OPRM1: variants seen among roughly 807,000 people sequenced by gnomAD.
OPRM1 encodes the protein opioid receptor mu 1, also known as mu-type opioid receptor.
A neutral mutation model predicts 31.8 loss-of-function variants in OPRM1; 27 were observed. The ratio of observed to expected loss-of-function variants is 0.85; its 90% CI spans 0.63 to 1.17. The LOEUF (loss-of-function observed/expected upper bound fraction) is 1.17. OPRM1 is among the 50% of genes most tolerant of loss of function. The pLI is 0.00. For synonymous variants in OPRM1, 196 were observed against 189.9 expected (o/e 1.03, Z -0.26); for missense variants, 536 against 511.1 (o/e 1.05, Z -0.47).
intron 3 of OPRM1, among the ~76,000 whole-genome samples, chr6:154,112,188 A>G (rs879409614): frequency 1.3e-5 from 2 of 152,260 alleles, no homozygotes; most frequent in Admixed American, 6.5e-5. Flanking sequence ...CAAATCTACT[A>G]ACTGTACTGT....
intron 1 of OPRM1, among the ~76,000 whole-genome samples, chr6:154,021,949 T>C (rs1317155972): frequency 6.6e-6 from 1 of 152,184 alleles, no homozygotes; most frequent in Non-Finnish European, 1.5e-5. Flanking sequence ...TCTGTATACT[T>C]TTTACTTCCT....
chr6:154,234,345 A>T (rs1284953730), intron 3 of OPRM1, among the ~76,000 whole-genome samples: 1 of 152,158 alleles, frequency 6.6e-6, no homozygotes, highest in Admixed American at 6.5e-5. Flanking sequence ...CTGCTTGCTA[A>T]GGAGAACTTT....
chr6:154,237,307 G>A (rs111996570), intron 3 of OPRM1, among the ~76,000 whole-genome samples: 2 of 152,284 alleles, frequency 1.3e-5, no homozygotes, highest in African/African-American at 4.8e-5. Context: ...GGTGGAAAAC[G>A]CTGTATTGAC....
intron 3 of OPRM1, among the ~76,000 whole-genome samples, chr6:154,242,509 G>A (rs1222796695): frequency 6.6e-6 from 1 of 152,136 alleles, no homozygotes; most frequent in Non-Finnish European, 1.5e-5. Context: ...ATATACCCAT[G>A]ATCTTCTCCT....
chr6:154,026,260 C>G (rs942234040), intron 1 of OPRM1, among the ~76,000 whole-genome samples: 1 of 151,952 alleles, frequency 6.6e-6, no homozygotes, highest in African/African-American at 2.4e-5. Flanking sequence ...TCATGCCACT[C>G]TCTCCTGGCC....
At chr6:154,153,597 A>G (rs912633632) in intron 3 of OPRM1, among the ~76,000 whole-genome samples, 2 of 151,900 alleles carry the variant, frequency 1.3e-5, no homozygotes, top group African/African-American at 2.4e-5. Flanking sequence ...AGGCAGGACA[A>G]TCACTTGAAC....
chr6:154,101,230 C>T (rs1794784785), intron 3 of OPRM1, among the ~76,000 whole-genome samples: 1 of 152,088 alleles, frequency 6.6e-6, no homozygotes, highest in South Asian at 2.1e-4. Context: ...CATAATTTGT[C>T]GACTTAAGAA....
At chr6:154,034,443 G>A (rs924221111), upstream of OPRM1, among the ~76,000 whole-genome samples, 4 of 152,182 alleles carry the variant, frequency 2.6e-5, no homozygotes, top group African/African-American at 9.7e-5. Flanking sequence ...AGCTACTCAG[G>A]AGTCTGAGGC....
chr6:154,055,484 A>G (rs1332315312), intron 1 of OPRM1, among the ~76,000 whole-genome samples: 1 of 152,066 alleles, frequency 6.6e-6, no homozygotes, highest in Admixed American at 6.5e-5. Flanking sequence ...CACCATCAGT[A>G]TGCAACCTAC....
At chr6:154,093,535 A>T in intron 3 of OPRM1, 2 of 1,557,660 alleles carry the variant, frequency 1.3e-6, no homozygotes, top group Admixed American at 3.7e-5. Context: ...GTACAGCCAG[A>T]TAGAAGAGAA....
At chr6:154,013,812 T>C (rs1777856738) in intron 1 of OPRM1, among the ~76,000 whole-genome samples, 1 of 152,116 alleles carries the variant, frequency 6.6e-6, no homozygotes, top group South Asian at 2.1e-4. Context: ...GAGCAGGTTA[T>C]CAAGGCTTTG....
intron 1 of OPRM1, among the ~76,000 whole-genome samples, chr6:154,022,676 T>G (rs1479921601): frequency 2.0e-5 from 3 of 152,150 alleles, no homozygotes; most frequent in Non-Finnish European, 4.4e-5. Context: ...GGTAGTAGAT[T>G]CATAGTTTGA....
chr6:154,085,912 G>C (rs1235746724), intron 1 of OPRM1, among the ~76,000 whole-genome samples: 2 of 71,502 alleles, frequency 2.8e-5, no homozygotes, highest in Admixed American at 1.4e-4. Flanking sequence ...TTTTGAGACA[G>C]TGTCTCTCTC....
At chr6:154,102,055 T>G (rs573505281) in intron 3 of OPRM1, among the ~76,000 whole-genome samples, 2 of 152,260 alleles carry the variant, frequency 1.3e-5, no homozygotes, top group African/African-American at 4.8e-5. Flanking sequence ...TCCTCCTGCC[T>G]CAGCCTCCTG....
intron 3 of OPRM1, among the ~76,000 whole-genome samples, chr6:154,181,239 T>C (rs1285283854): frequency 6.6e-6 from 1 of 152,172 alleles, no homozygotes; most frequent in Admixed American, 6.5e-5. Flanking sequence ...ACCAACAACA[T>C]TGGCATAGTA....
intron 3 of OPRM1, among the ~76,000 whole-genome samples, chr6:154,172,518 C>A (rs1225228502): frequency 2.0e-5 from 3 of 152,180 alleles, no homozygotes. Context: ...GTCCCACACC[C>A]ATGGAGCCTT....
intron 3 of OPRM1, among the ~76,000 whole-genome samples, chr6:154,207,550 C>A (rs1473869312): frequency 3.7e-5 from 4 of 108,218 alleles, no homozygotes; most frequent in Non-Finnish European, 8.5e-5. Flanking sequence ...TGTGTTTAAA[C>A]TTTTTGGGGT....
chr6:154,023,770 T>G (rs1352813238), intron 1 of OPRM1, among the ~76,000 whole-genome samples: 1 of 152,206 alleles, frequency 6.6e-6, no homozygotes, highest in Non-Finnish European at 1.5e-5. Context: ...AATATTGAAT[T>G]TTATCAAATG....
intron 3 of OPRM1, among the ~76,000 whole-genome samples, chr6:154,145,133 T>C (rs1005784884): frequency 1.3e-5 from 2 of 152,160 alleles, no homozygotes; most frequent in Admixed American, 6.5e-5. Context: ...CCAGAAGTTC[T>C]AGTTAGTGCA....
Sources: gnomAD v4.1 joint callset for allele counts (sites outside exome capture counted in the v4.1 genomes callset) on GRCh38, gnomAD v4.1.1 for gene constraint, MANE v1.5 for transcripts, NCBI Gene and HGNC (gene_info 2026-07-23, HGNC 2026-07-21) for gene names.